ADORA2B: variants seen among roughly 807,000 people sequenced by gnomAD.
The protein encoded by ADORA2B is adenosine A2b receptor, also known as adenosine receptor A2b.
Under a neutral mutation model 20.8 loss-of-function variants are expected in ADORA2B, and 18 were observed. The observed-to-expected ratio is 0.87, with a 90% CI of 0.60 to 1.29. ADORA2B has a LOEUF of 1.29. ADORA2B is among the 50% of genes most tolerant of loss of function. The pLI, the probability that ADORA2B is intolerant of heterozygous loss-of-function variation, is 0.00. For synonymous variants in ADORA2B, 179 were observed against 178.3 expected (o/e 1.00, Z -0.03); for missense variants, 441 against 422.7 (o/e 1.04, Z -0.38).
chr17:15,865,173 T>C, the ADORA2B span, among the ~76,000 whole-genome samples: 1 of 152,246 alleles, frequency 6.6e-6, no homozygotes, highest in East Asian at 1.9e-4. Context: ...GAAAAGGAAT[T>C]AATACCTGGT....
In ADORA2B at chr17:15,948,312, T is replaced by G. The variant is rs972518782; in HGVS notation, c.335+2729T>G. Among the ~76,000 whole-genome samples the G allele has an allele frequency of 1.3e-3, 6 of 4,636 alleles. No homozygotes were observed. The Non-Finnish European group carries it at 0.017, about 13-fold the overall frequency. 3.0% of individuals were successfully genotyped at this position (4,636 alleles called of 152,430 possible). ...AAATATGACGCCCTTGGCCTGGCCC[T>G]TTGCCTTCAGGACAGGGCTGGCCAC... is the stretch of plus-strand genomic sequence containing the variant. On this transcript the variant is annotated intron_variant, in intron 1 of 1. Transcript: ENST00000304222.
chr17:15,923,405 A>AT, the ADORA2B span, among the ~76,000 whole-genome samples: 871 of 120,374 alleles, frequency 7.2e-3, 17 homozygotes, highest in African/African-American at 0.03. Flanking sequence ...ATATATATAT[A>AT]TATTTTTTTT....
upstream of ADORA2B, among the ~76,000 whole-genome samples, chr17:15,943,298 CT>C (rs1194149402): frequency 2.0e-5 from 3 of 152,236 alleles, no homozygotes; most frequent in South Asian, 4.2e-4. Context: ...CTGTTTATGC[CT>C]GTGGAGGGCA....
chr17:15,868,462 G>A, the ADORA2B span, among the ~76,000 whole-genome samples: 1 of 139,114 alleles, frequency 7.2e-6, no homozygotes, highest in South Asian at 2.3e-4. Flanking sequence ...AGTGCTTTTT[G>A]TATTCTGTAT....
chr17:15,856,623 A>G, the ADORA2B span, among the ~76,000 whole-genome samples: 1 of 152,242 alleles, frequency 6.6e-6, no homozygotes, highest in African/African-American at 2.4e-5. Context: ...AAATGCTGAT[A>G]TGATGTGGAA....
At chr17:15,938,587 C>A in the ADORA2B span, among the ~76,000 whole-genome samples, 2 of 152,220 alleles carry the variant, frequency 1.3e-5, no homozygotes, top group African/African-American at 4.8e-5. Context: ...CAGGCATGAG[C>A]CACCATACCT....
At chr17:15,934,315 G>T in the ADORA2B span, among the ~76,000 whole-genome samples, 1 of 152,092 alleles carries the variant, frequency 6.6e-6, no homozygotes, top group African/African-American at 2.4e-5. Context: ...TGCAGCCTCT[G>T]CCTCCTGAGT....
At chr17:15,913,374 A>G in the ADORA2B span, among the ~76,000 whole-genome samples, 1 of 152,220 alleles carries the variant, frequency 6.6e-6, no homozygotes, top group African/African-American at 2.4e-5. Context: ...TTCTTCACTG[A>G]ACTCAAGGAA....
At chr17:15,959,494 ATTTTTT>A (rs56097835) in intron 1 of ADORA2B, among the ~76,000 whole-genome samples, 2 of 75,956 alleles carry the variant, frequency 2.6e-5, no homozygotes, top group Admixed American at 1.7e-4. Flanking sequence ...TCACATTCTG[ATTTTTT>A]TTTTTTTTTT....
intron 1 of ADORA2B, among the ~76,000 whole-genome samples, chr17:15,951,779 A>T (rs970300496): frequency 6.6e-6 from 1 of 152,178 alleles, no homozygotes; most frequent in Non-Finnish European, 1.5e-5. Flanking sequence ...TGGGAACTGG[A>T]GGGCAGGGGA....
At chr17:15,965,757 A>AAG (rs1970108475) in intron 1 of ADORA2B, among the ~76,000 whole-genome samples, 1 of 152,184 alleles carries the variant, frequency 6.6e-6, no homozygotes, top group African/African-American at 2.4e-5. Context: ...TCCCGTAGAA[A>AAG]GCCACATCCT....
the ADORA2B span, among the ~76,000 whole-genome samples, chr17:15,929,612 C>A: frequency 6.6e-6 from 1 of 152,182 alleles, no homozygotes; most frequent in African/African-American, 2.4e-5. Flanking sequence ...GTGGAAGCAA[C>A]CCAAGCATCC....
chr17:15,946,741 T>C (rs1185391316), intron 1 of ADORA2B, among the ~76,000 whole-genome samples: 2 of 151,778 alleles, frequency 1.3e-5, no homozygotes, highest in Non-Finnish European at 2.9e-5. Context: ...CCCAGGATGG[T>C]GTATCAGGGA....
chr17:15,920,976 T>C, the ADORA2B span, among the ~76,000 whole-genome samples: 1 of 152,224 alleles, frequency 6.6e-6, no homozygotes, highest in East Asian at 1.9e-4. Flanking sequence ...ATTCTCTCGC[T>C]CTGGAATTGT....
the ADORA2B span, among the ~76,000 whole-genome samples, chr17:15,852,744 A>G: frequency 2.0e-5 from 3 of 152,194 alleles, no homozygotes; most frequent in Admixed American, 2.0e-4. Context: ...AACAAAGTTT[A>G]CCTGTAGATT....
chr17:15,874,707 G>A, the ADORA2B span, among the ~76,000 whole-genome samples: 7 of 151,890 alleles, frequency 4.6e-5, no homozygotes, highest in Non-Finnish European at 1.0e-4. Flanking sequence ...ATAAAAAATG[G>A]CCATAATGAT....
chr17:15,882,482 G>A, the ADORA2B span, among the ~76,000 whole-genome samples: 1 of 152,170 alleles, frequency 6.6e-6, no homozygotes, highest in East Asian at 1.9e-4. Flanking sequence ...GGAAAGTTGA[G>A]ACAGAAGGAT....
At chr17:15,939,631 G>A in the ADORA2B span, among the ~76,000 whole-genome samples, 12 of 151,892 alleles carry the variant, frequency 7.9e-5, no homozygotes, top group South Asian at 2.1e-4. Flanking sequence ...AGGCTGAGGC[G>A]GGCAGATCAT....
Position 15,956,789 on chromosome 17 carries a change from G to C in ADORA2B, c.335+11206G>C, listed in dbSNP as rs563409618. On this transcript the variant is annotated intron_variant, in intron 1 of 1. Transcript: ENST00000304222. ...TGATTTTTGTGTTTTTAGTAGAGAC[G>C]GGGTTTCACCATGCTGGTCAGGCTG... 2.6e-5 allele frequency among the ~76,000 whole-genome samples: 4 copies of C among 151,960 alleles called. No individual in the cohort carries two copies. In the South Asian group the frequency reaches 8.4e-4, roughly 32 times the overall value.
Sources: gnomAD v4.1 joint callset for allele counts (sites outside exome capture counted in the v4.1 genomes callset) on GRCh38, gnomAD v4.1.1 for gene constraint, MANE v1.5 for transcripts, NCBI Gene and HGNC (gene_info 2026-07-23, HGNC 2026-07-21) for gene names.